The following MYOM2 variants were observed in gnomAD, a reference collection of about 807,000 sequenced individuals.
MYOM2 encodes myomesin-2.
In MYOM2, 254 loss-of-function variants were observed where a neutral mutation model predicts 187.6. That is an observed-to-expected ratio of 1.35 (90% CI 1.22 to 1.50). MYOM2 has a LOEUF of 1.50. MYOM2 is among the 40% of genes most tolerant of loss of function. The probability of loss-of-function intolerance (pLI) is 0.00; values close to 1 mark genes in which losing one functional copy is unlikely to be tolerated. For missense variants in MYOM2, 2,796 were observed against 1,924.0 expected (o/e 1.45, Z -8.48); for synonymous variants, 981 against 753.8 (o/e 1.30, Z -4.94).
chr8:2,063,968 CA>C (rs1818929918), intron 6 of MYOM2, among the ~76,000 whole-genome samples: 1 of 152,224 alleles, frequency 6.6e-6, no homozygotes, highest in African/African-American at 2.4e-5. Flanking sequence ...CAGCATGAAG[CA>C]AAGGCTGGAA....
In MYOM2 at chr8:2,114,525, G is replaced by C. The variant is rs140311836; in HGVS notation, c.3181-1435G>C. ...GTCTCACTCTGTTGCCCAGGCTGGA[G>C]TGCAGTGACTGTGATCTCGGTTCAC... On this transcript the variant is annotated intron_variant, in intron 25 of 36. Transcript: ENST00000262113. 4.9e-4 allele frequency among the ~76,000 whole-genome samples: 75 copies of C among 152,278 alleles called. No individual in the cohort carries two copies. The East Asian group carries it at 0.014, about 29-fold the overall frequency.
At chr8:2,079,539 T>C (rs1819549429) in intron 12 of MYOM2, 21 bp from the exon 13 acceptor site, 2 of 1,613,270 alleles carry the variant, frequency 1.2e-6, no homozygotes, top group African/African-American at 1.3e-5. Context: ...TCAAATCGAG[T>C]GTCAACCTTT....
intron 25 of MYOM2, among the ~76,000 whole-genome samples, chr8:2,113,708 C>T (rs1253020655): frequency 6.6e-6 from 1 of 152,174 alleles, no homozygotes; most frequent in African/African-American, 2.4e-5. Context: ...ACCATGTCCG[C>T]GGGCTCTCAC....
intron 31 of MYOM2, 45 bp from the exon 32 acceptor site, chr8:2,129,082 C>A (rs1370899812): frequency 1.4e-6 from 2 of 1,398,868 alleles, no homozygotes; most frequent in South Asian, 1.2e-5. Context: ...GATCACACAG[C>A]AGGCACTCCT....
At chr8:2,092,797 C>G (rs1796354568) in intron 16 of MYOM2, among the ~76,000 whole-genome samples, 1 of 152,084 alleles carries the variant, frequency 6.6e-6, no homozygotes, top group African/African-American at 2.4e-5. Context: ...GCACTTAGGC[C>G]TTTTCTTTGA....
At chr8:2,064,961 G>C (rs1359965262) in intron 6 of MYOM2, among the ~76,000 whole-genome samples, 2 of 152,256 alleles carry the variant, frequency 1.3e-5, no homozygotes, top group East Asian at 3.9e-4. Flanking sequence ...TAAGGGCAAG[G>C]AGGGATTTCC....
At chr8:2,119,911 C>T (rs1208337680) in intron 28 of MYOM2, among the ~76,000 whole-genome samples, 1 of 151,986 alleles carries the variant, frequency 6.6e-6, no homozygotes, top group Non-Finnish European at 1.5e-5. Flanking sequence ...CAGGGCAGAG[C>T]AAGCGGCAGA....
In MYOM2 at chr8:2,092,353, T is replaced by C. The variant is rs17064685; in HGVS notation, c.1836T>C (p.Pro612=). 2.5e-6 allele frequency: 4 copies of C among 1,613,922 alleles called. No homozygotes were observed. The East Asian group carries it at 8.9e-5, about 36-fold the overall frequency. ...TTTGTCTCCTACGAAAAGTTGTCCC[T>C]TCTGCTCCGGGTCGGGTTCTTGCTT... The part of the protein sequence containing the change: ...PIQAQDVTVV[P]SAPGRVLASR... Residue 612 remains proline, a synonymous_variant, in exon 16 of 37, where the codon CCT becomes CCC. Coordinates refer to ENST00000262113, the MANE Select transcript of MYOM2 (RefSeq NM_003970.4).
rs556228515 is a variant in MYOM2 at position 2,091,564 on chromosome 8, C to T, written c.1829-782C>T. Reference sequence around the variant, plus strand: ...TTCTGAGTGCCTGGGTGCCCTCCACCCTCTCTCTGTCGTGTTTCCTGAGAA... The same window carrying T: ...TTCTGAGTGCCTGGGTGCCCTCCACTCTCTCTCTGTCGTGTTTCCTGAGAA... On this transcript the variant is annotated intron_variant, in intron 15 of 36. Transcript: ENST00000262113. 1.2e-3 allele frequency among the ~76,000 whole-genome samples: 184 copies of T among 152,264 alleles called. 1 individual carries two copies. The highest frequency in any genetic ancestry group is 2.0e-3 in the Non-Finnish European group (135 of 68,014).
chr8:2,114,489 T>G (rs975648877), intron 25 of MYOM2, among the ~76,000 whole-genome samples: 2 of 152,212 alleles, frequency 1.3e-5, no homozygotes, highest in Non-Finnish European at 2.9e-5. Context: ...TCCCCCTTTT[T>G]TTGAGACAGA....
chr8:2,099,651 C>T (rs1796616318), intron 19 of MYOM2, among the ~76,000 whole-genome samples: 1 of 152,192 alleles, frequency 6.6e-6, no homozygotes, highest in East Asian at 1.9e-4. Context: ...AACTCCTGGG[C>T]TCAAGCCATC....
rs778747305 is a variant in MYOM2, at chr8:2,079,555, C to T, written c.1463-5C>T. Reference sequence around the variant, plus strand: ...CAAATCGAGTGTCAACCTTTCTCTCCGCAGCCGTTCATTTGGAGGGAGAGA... The same window carrying T: ...CAAATCGAGTGTCAACCTTTCTCTCTGCAGCCGTTCATTTGGAGGGAGAGA... On this transcript the variant is annotated splice_polypyrimidine_tract_variant and splice_region_variant and intron_variant, in intron 12 of 36. Transcript: ENST00000262113. 1.6e-5 allele frequency: 26 copies of T among 1,613,866 alleles called. No homozygotes were observed. The highest frequency in any genetic ancestry group is 6.7e-5 in the Admixed American group (4 of 59,996).
At chr8:2,126,215 T>G (rs1335890315) in intron 31 of MYOM2, among the ~76,000 whole-genome samples, 1 of 152,024 alleles carries the variant, frequency 6.6e-6, no homozygotes, top group African/African-American at 2.4e-5. Flanking sequence ...ATGTTGGGAG[T>G]TGGATAGGGA....
intron 3 of MYOM2, among the ~76,000 whole-genome samples, chr8:2,056,451 G>A (rs1313204215): frequency 6.6e-6 from 1 of 152,060 alleles, no homozygotes; most frequent in Non-Finnish European, 1.5e-5. Context: ...GGCAGGCCAG[G>A]CCTGGCCGTG....
rs1255248543 is a variant in MYOM2 at position 2,057,493 on chromosome 8, G to A, written c.402+7G>A. ...ATACGCCATTCAGCAGATGGTAGGAGGGTCTCAGGGTGGCTGGGTGTCTGG... is the reference window on the plus strand; with the variant it reads ...ATACGCCATTCAGCAGATGGTAGGAAGGTCTCAGGGTGGCTGGGTGTCTGG... On this transcript the variant is annotated splice_region_variant and intron_variant, in intron 4 of 36. Transcript: ENST00000262113. 7.4e-6 allele frequency: 12 copies of A among 1,613,922 alleles called. No homozygotes were observed. Among genetic ancestry groups the A allele is most frequent in the Non-Finnish European group, 1.0e-5 (12 of 1,179,906 alleles).
chr8:2,086,488 T>TGTGGCCTCCCACTGTTGTGATCTCTGC (rs1563447467), intron 14 of MYOM2, among the ~76,000 whole-genome samples: 2 of 61,024 alleles, frequency 3.3e-5, no homozygotes, highest in Admixed American at 3.4e-4. Flanking sequence ...ATGATCTCTG[T>TGTGGCCTCCCACTGTTGTGATCTCTGC]GTGGCCCCCC....
Position 2,072,362 on chromosome 8 carries a change from A to G in MYOM2, c.811A>G (p.Ile271Val). 6.2e-7 allele frequency: 1 copy of G among 1,613,974 alleles called. No individual in the cohort carries two copies. The highest frequency in any genetic ancestry group is 8.5e-7 in the Non-Finnish European group (1 of 1,180,000). Residue 271 changes from isoleucine to valine, a missense_variant, in exon 9 of 37, where the codon ATT becomes GTT. Transcript: ENST00000262113. The stretch of plus-strand genomic sequence containing the variant: ...CTGTGCAGTGCCCCTGTCATCGATG[A>G]TTCCGTACACGCACTTCGACGTCCA... Reference protein sequence around the residue: ...LPIGLPLSSMIPYTHFDVQFL... With the variant: ...LPIGLPLSSMVPYTHFDVQFL...
chr8:2,070,569 C>T (rs1819180300), intron 8 of MYOM2, among the ~76,000 whole-genome samples: 1 of 152,166 alleles, frequency 6.6e-6, no homozygotes, highest in Admixed American at 6.5e-5. Flanking sequence ...TTGCCCCAGG[C>T]ACTGATGAGC....
intron 25 of MYOM2, among the ~76,000 whole-genome samples, chr8:2,114,296 G>A (rs1423767315): frequency 6.6e-6 from 1 of 152,212 alleles, no homozygotes; most frequent in Non-Finnish European, 1.5e-5. Flanking sequence ...CTGTTCCTGT[G>A]ATACAGTGTA....
Sources: allele counts gnomAD v4.1 joint callset (sites outside exome capture counted in the v4.1 genomes callset), GRCh38; gene constraint gnomAD v4.1.1; transcripts MANE v1.5; gene names NCBI Gene and HGNC (gene_info 2026-07-23, HGNC 2026-07-21).